Variants in KCNIP4 observed in about 807,000 individuals in gnomAD.
KCNIP4 encodes Kv channel-interacting protein 4.
A neutral mutation model predicts 34.0 loss-of-function variants in KCNIP4; 12 were observed. That is an observed-to-expected ratio of 0.35 (90% CI 0.23 to 0.57). The LOEUF (loss-of-function observed/expected upper bound fraction) is 0.57, where lower values mean the gene tolerates loss of function less well. Among genes scored for constraint, KCNIP4 ranks in the 20% least tolerant of loss-of-function variants. KCNIP4 has a pLI of 0.83. For synonymous variants in KCNIP4, 124 were observed against 102.2 expected, an observed-to-expected ratio of 1.21 and a Z score of -1.29; for missense variants, 238 against 311.7, an observed-to-expected ratio of 0.76 and a Z score of 1.78.
intron 1 of KCNIP4, among the ~76,000 whole-genome samples, chr4:21,075,005 G>T (rs1560698640): frequency 6.6e-6 from 1 of 152,180 alleles, no homozygotes; most frequent in Non-Finnish European, 1.5e-5. Context: ...CTTAGAGACA[G>T]TTTGTTACAA....
At chr4:21,794,827 T>A (rs1314040820) in intron 1 of KCNIP4, among the ~76,000 whole-genome samples, 1 of 152,060 alleles carries the variant, frequency 6.6e-6, no homozygotes, top group Non-Finnish European at 1.5e-5. Context: ...TGCAGTGAGC[T>A]GAGATCATGC....
At chr4:21,166,014 A>G (rs959527432) in intron 1 of KCNIP4, among the ~76,000 whole-genome samples, 1 of 152,198 alleles carries the variant, frequency 6.6e-6, no homozygotes, top group Non-Finnish European at 1.5e-5. Flanking sequence ...TCTTGGAAGC[A>G]GAAAACAGCC....
At chr4:21,888,280 G>A (rs1002003380) in intron 1 of KCNIP4, among the ~76,000 whole-genome samples, 1 of 152,060 alleles carries the variant, frequency 6.6e-6, no homozygotes, top group African/African-American at 2.4e-5. Context: ...GAAGAGTAAG[G>A]GAAAACTGGT....
intron 1 of KCNIP4, among the ~76,000 whole-genome samples, chr4:21,382,011 A>T (rs1721556815): frequency 6.6e-6 from 1 of 152,206 alleles, no homozygotes; most frequent in Admixed American, 6.5e-5. Context: ...AGAAAATGGA[A>T]CAGCAAATGT....
chr4:20,882,517 T>C, intron 2 of KCNIP4, 91 bp downstream of exon 2: 1 of 839,860 alleles, frequency 1.2e-6, no homozygotes, highest in South Asian at 1.5e-5. Flanking sequence ...TAGAATATAC[T>C]GATTCTTTGT....
intron 1 of KCNIP4, among the ~76,000 whole-genome samples, chr4:21,742,193 G>A (rs974221186): frequency 1.3e-5 from 2 of 152,142 alleles, no homozygotes; most frequent in African/African-American, 2.4e-5. Flanking sequence ...AGAGCTATGC[G>A]AAAATGACAC....
intron 1 of KCNIP4, among the ~76,000 whole-genome samples, chr4:21,037,494 T>G (rs959747956): frequency 1.3e-5 from 2 of 152,260 alleles, no homozygotes; most frequent in Admixed American, 6.5e-5. Flanking sequence ...CTATTTCCAG[T>G]ATAGCAATGG....
chr4:21,352,573 G>A (rs552226247), intron 1 of KCNIP4, among the ~76,000 whole-genome samples: 2 of 152,340 alleles, frequency 1.3e-5, no homozygotes, highest in East Asian at 3.9e-4. Context: ...CTGGCAGGGG[G>A]AGGGATGTTC....
chr4:20,986,988 G>C (rs999287118), intron 1 of KCNIP4, among the ~76,000 whole-genome samples: 1 of 152,094 alleles, frequency 6.6e-6, no homozygotes, highest in Non-Finnish European at 1.5e-5. Context: ...CCAAGTATGC[G>C]GGGGCTCTTT....
At chr4:21,757,275 AAGAAAAGAAAAG>A (rs1560691911) in intron 1 of KCNIP4, among the ~76,000 whole-genome samples, 1 of 87,288 alleles carries the variant, frequency 1.1e-5, no homozygotes, top group Admixed American at 1.0e-4. Flanking sequence ...AAGAAAAGAA[AAGAAAAGAAAAG>A]AGAAAAGAAA....
chr4:21,150,972 CTTG>C (rs1443256108), intron 1 of KCNIP4, among the ~76,000 whole-genome samples: 2 of 152,112 alleles, frequency 1.3e-5, no homozygotes. Context: ...CATTTTGTAT[CTTG>C]TTATCACTCA....
intron 1 of KCNIP4, among the ~76,000 whole-genome samples, chr4:21,181,419 G>A (rs1234963195): frequency 6.6e-6 from 1 of 151,992 alleles, no homozygotes; most frequent in African/African-American, 2.4e-5. Flanking sequence ...TACCTTACCG[G>A]GTTTGATCAT....
chr4:20,728,827 T>C lies in KCNIP4; in HGVS notation c.*1255A>G, dbSNP rs1023644858. ...CAAAGACAGTTGCAAATTTCCTCCTTCTGTAGCCTCTTGGTCTTTGTGATA... is the reference window on the plus strand; with the variant it reads ...CAAAGACAGTTGCAAATTTCCTCCTCCTGTAGCCTCTTGGTCTTTGTGATA... On this transcript the variant is annotated 3_prime_UTR_variant, in exon 9 of 9. Coordinates refer to ENST00000382152, the MANE Select transcript of KCNIP4 (RefSeq NM_025221.6). 3 of 152,580 alleles carry C rather than the reference T, an allele frequency of 2.0e-5. No individual in the cohort carries two copies. Among genetic ancestry groups the C allele is most frequent in the African/African-American group, 7.2e-5 (3 of 41,438 alleles). The allele number at this position is 152,580 out of a possible 1,614,324, so 9.5% of individuals were successfully genotyped here.
rs185878904 is a variant in KCNIP4 at position 20,932,733 on chromosome 4, C to T, written c.62-50024G>A. Reference sequence around the variant, plus strand: ...GTCAAAATATGCTTAAATACAGATTCAACTTTCAGTTTTTAAAGATTTTAA... The same window carrying T: ...GTCAAAATATGCTTAAATACAGATTTAACTTTCAGTTTTTAAAGATTTTAA... On this transcript the variant is annotated intron_variant, in intron 1 of 8. Transcript: ENST00000382152. Among the ~76,000 whole-genome samples the T allele has an allele frequency of 1.2e-3, 188 of 152,152 alleles. 1 individual carries two copies. Among genetic ancestry groups the T allele is most frequent in the African/African-American group, 4.2e-3 (173 of 41,518 alleles).
At chr4:21,177,972 A>G (rs1400736560) in intron 1 of KCNIP4, among the ~76,000 whole-genome samples, 7 of 151,978 alleles carry the variant, frequency 4.6e-5, no homozygotes, top group African/African-American at 1.7e-4. Context: ...AATTAAATTC[A>G]GGATTCAACT....
At chr4:21,457,451 C>A (rs1029447333) in intron 1 of KCNIP4, among the ~76,000 whole-genome samples, 1 of 151,990 alleles carries the variant, frequency 6.6e-6, no homozygotes, top group African/African-American at 2.4e-5. Flanking sequence ...TCAGAGAATC[C>A]TTCAACATCA....
intron 1 of KCNIP4, among the ~76,000 whole-genome samples, chr4:20,918,063 A>G (rs1729023229): frequency 6.6e-6 from 1 of 152,084 alleles, no homozygotes; most frequent in South Asian, 2.1e-4. Context: ...CTTCTGGTGG[A>G]ATTTTTCTTC....
At chr4:21,940,793 T>C (rs1027787811) in intron 1 of KCNIP4, among the ~76,000 whole-genome samples, 1 of 152,204 alleles carries the variant, frequency 6.6e-6, no homozygotes, top group Non-Finnish European at 1.5e-5. Context: ...AACTTGTTCT[T>C]AATACTATAT....
chr4:21,434,740 G>GC (rs1162483585), intron 1 of KCNIP4, among the ~76,000 whole-genome samples: 1 of 136,514 alleles, frequency 7.3e-6, no homozygotes, highest in African/African-American at 2.8e-5. Context: ...AACGATCCCC[G>GC]CCCCCCTCCC....
Sources: allele counts gnomAD v4.1 joint callset (sites outside exome capture counted in the v4.1 genomes callset), GRCh38; gene constraint gnomAD v4.1.1; transcripts MANE v1.5; gene names NCBI Gene and HGNC (gene_info 2026-07-23, HGNC 2026-07-21).